Variants in PDZD2 observed in about 807,000 individuals in gnomAD.
The protein encoded by PDZD2 is PDZ domain containing 2.
In PDZD2, 90 loss-of-function variants were observed where a neutral mutation model predicts 220.7. The ratio of observed to expected loss-of-function variants is 0.41; its 90% CI spans 0.34 to 0.49. The LOEUF (loss-of-function observed/expected upper bound fraction) is 0.49. Among genes scored for constraint, PDZD2 ranks in the 20% least tolerant of loss-of-function variants. The probability of loss-of-function intolerance (pLI) is 0.28; values close to 1 mark genes in which losing one functional copy is unlikely to be tolerated. For synonymous variants in PDZD2, 1,375 were observed against 1,450.5 expected, an observed-to-expected ratio of 0.95 and a Z score of 1.18; for missense variants, 3,174 against 3,608.5, an observed-to-expected ratio of 0.88 and a Z score of 3.08.
chr5:32,080,387 T>C (rs1011378628), intron 19 of PDZD2, among the ~76,000 whole-genome samples: 1 of 148,258 alleles, frequency 6.7e-6, no homozygotes, highest in Admixed American at 6.7e-5. Flanking sequence ...GGTGAGGGGT[T>C]TCTATTTGAG....
At chr5:31,963,457 G>A (rs909798544) in intron 2 of PDZD2, among the ~76,000 whole-genome samples, 2 of 152,188 alleles carry the variant, frequency 1.3e-5, no homozygotes, top group African/African-American at 4.8e-5. Context: ...GGAGAGGCGG[G>A]GGCTGTGCAC....
At chr5:31,690,886 CATGATG>C (rs532555549) in intron 1 of PDZD2, among the ~76,000 whole-genome samples, 1 of 152,014 alleles carries the variant, frequency 6.6e-6, no homozygotes, top group Non-Finnish European at 1.5e-5. Flanking sequence ...GAATGCTACC[CATGATG>C]ATGATGATGA....
intron 3 of PDZD2, among the ~76,000 whole-genome samples, chr5:31,986,087 A>AAG (rs1213630567): frequency 6.6e-6 from 1 of 151,812 alleles, no homozygotes; most frequent in Non-Finnish European, 1.5e-5. Flanking sequence ...AAAAAAAAAA[A>AAG]AAAAAAAAAA....
At chr5:31,893,153 G>A (rs998004512) in intron 2 of PDZD2, among the ~76,000 whole-genome samples, 23 of 152,192 alleles carry the variant, frequency 1.5e-4, no homozygotes, top group African/African-American at 5.5e-4. Context: ...GCCCTTGTGA[G>A]GGTTGTTTGT....
intron 7 of PDZD2, among the ~76,000 whole-genome samples, chr5:32,041,908 CAAAA>C (rs56157199): frequency 3.3e-5 from 3 of 90,944 alleles, no homozygotes; most frequent in African/African-American, 4.6e-5. Context: ...AAAAAGAAAG[CAAAA>C]AAAAAAAAAA....
At position 32,009,159 on chromosome 5, in the gene PDZD2, A is replaced by G. The variant is rs554024598; in HGVS notation, c.1255-1171A>G. 2.6e-5 allele frequency among the ~76,000 whole-genome samples: 4 copies of G among 152,096 alleles called. No individual in the cohort carries two copies. The East Asian group carries it at 7.8e-4, about 29-fold the overall frequency. ...GGGGTTCGAGACCAGCCTGGCCAAC[A>G]TAGTGAAAACCCCGTCTCTACTGAA... On this transcript the variant is annotated intron_variant, in intron 5 of 24. Coordinates refer to ENST00000438447, the MANE Select transcript of PDZD2 (RefSeq NM_178140.4).
intron 2 of PDZD2, among the ~76,000 whole-genome samples, chr5:31,830,883 AG>A (rs1397199397): frequency 6.6e-6 from 1 of 152,214 alleles, no homozygotes; most frequent in Non-Finnish European, 1.5e-5. Context: ...AAGGCTTCTC[AG>A]GCTAATTCAG....
At chr5:32,064,139 G>T (rs1389043264) in intron 14 of PDZD2, among the ~76,000 whole-genome samples, 1 of 152,022 alleles carries the variant, frequency 6.6e-6, no homozygotes, top group African/African-American at 2.4e-5. Flanking sequence ...TTAACTTTTT[G>T]AAGCTAACCA....
At chr5:32,073,613 G>A (rs1450278130) in intron 17 of PDZD2, among the ~76,000 whole-genome samples, 1 of 147,220 alleles carries the variant, frequency 6.8e-6, no homozygotes, top group Non-Finnish European at 1.5e-5. Flanking sequence ...AGGGCGGGGG[G>A]GGTAGGTCAG....
intron 2 of PDZD2, among the ~76,000 whole-genome samples, chr5:31,862,584 G>T (rs1236487212): frequency 6.8e-6 from 1 of 146,072 alleles, no homozygotes; most frequent in Non-Finnish European, 1.5e-5. Context: ...TTTTTGAGAA[G>T]GAGTTTCACT....
chr5:31,897,489 C>T (rs559792107), intron 2 of PDZD2, among the ~76,000 whole-genome samples: 2 of 152,206 alleles, frequency 1.3e-5, no homozygotes, highest in Non-Finnish European at 1.5e-5. Flanking sequence ...GATGTGTGTT[C>T]GGAAGAATCA....
At chr5:32,004,727 T>C (rs896310633) in intron 5 of PDZD2, among the ~76,000 whole-genome samples, 1 of 152,264 alleles carries the variant, frequency 6.6e-6, no homozygotes, top group African/African-American at 2.4e-5. Flanking sequence ...CCAAGCTGCC[T>C]TTATGCAAAT....
intron 24 of PDZD2, among the ~76,000 whole-genome samples, chr5:32,107,697 G>T (rs544975872): frequency 3.8e-4 from 58 of 152,266 alleles, no homozygotes; most frequent in Non-Finnish European, 7.4e-4. Flanking sequence ...ACCATTTGTT[G>T]ATTAAATACA....
At position 31,658,343 on chromosome 5, in the gene PDZD2, A is replaced by T. The variant is rs553207152; in HGVS notation, c.-361+18906A>T. Among the ~76,000 whole-genome samples, 14 of 152,282 alleles carry T rather than the reference A, an allele frequency of 9.2e-5. No homozygotes were observed. In the South Asian group the frequency reaches 2.9e-3, roughly 32 times the overall value. On this transcript the variant is annotated intron_variant, in intron 1 of 24. Coordinates refer to ENST00000438447, the MANE Select transcript of PDZD2 (RefSeq NM_178140.4). ...CATCCTGTTCCCTCACTTACAAAGG[A>T]TCTATTTCCACCTCCAGCCTGCGCT... is the stretch of plus-strand genomic sequence containing the variant.
chr5:31,824,038 T>C (rs1344144992), intron 2 of PDZD2, among the ~76,000 whole-genome samples: 3 of 152,206 alleles, frequency 2.0e-5, no homozygotes, highest in Non-Finnish European at 2.9e-5. Flanking sequence ...ATCTTACTAG[T>C]ATAGGGAGGG....
intron 2 of PDZD2, among the ~76,000 whole-genome samples, chr5:31,924,747 A>T (rs1189710535): frequency 6.6e-6 from 1 of 152,266 alleles, no homozygotes; most frequent in Non-Finnish European, 1.5e-5. Flanking sequence ...AAATATCTTT[A>T]GGGATTCTTA....
intron 2 of PDZD2, among the ~76,000 whole-genome samples, chr5:31,883,334 C>G (rs981254971): frequency 2.7e-5 from 4 of 148,236 alleles, no homozygotes; most frequent in Non-Finnish European, 4.4e-5. Flanking sequence ...GATTCTCCTG[C>G]CTCAGCCTCC....
At chr5:31,656,627 C>T (rs552450089) in intron 1 of PDZD2, among the ~76,000 whole-genome samples, 1 of 152,176 alleles carries the variant, frequency 6.6e-6, no homozygotes, top group Admixed American at 6.5e-5. Context: ...TATCGCTGAT[C>T]TGTAGCATTC....
Position 32,061,039 on chromosome 5 carries a change from G to A in PDZD2, c.2356G>A (p.Val786Ile), listed in dbSNP as rs770994566. 3 of 1,613,960 alleles carry A rather than the reference G, an allele frequency of 1.9e-6. No homozygotes were observed. The highest frequency in any genetic ancestry group is 1.6e-4 in the Middle Eastern group (1 of 6,084). ...AATCCTGGAAGTGAACTCCGTCAAC[G>A]TCCGCCATGCTGCTTTAAGCAAAGT... ...DQILEVNSVN[V>I]RHAALSKVHA... is the part of the protein sequence containing the mutation. The change falls in exon 14 of 25, where the codon GTC (valine) becomes ATC (isoleucine). Residue 786 changes from valine to isoleucine, a missense_variant. By Grantham distance (29) the Val-to-Ile change is conservative. This residue lies in a region of PDZD2 where 1,861 missense variants were observed against 2,001.0 expected (regional missense o/e 0.93). Transcript: ENST00000438447.
Sources: allele counts gnomAD v4.1 joint callset (sites outside exome capture counted in the v4.1 genomes callset), GRCh38; gene constraint gnomAD v4.1.1; regional missense constraint gnomAD v4.1.1; transcripts MANE v1.5; gene names NCBI Gene and HGNC (gene_info 2026-07-23, HGNC 2026-07-21).